The following CIBAR2 variants were observed in gnomAD, a reference collection of about 807,000 sequenced individuals.
The protein encoded by CIBAR2 is CBY1 interacting BAR domain containing 2.
Under a neutral mutation model 36.2 loss-of-function variants are expected in CIBAR2, and 38 were observed. The ratio of observed to expected loss-of-function variants is 1.05; its 90% confidence interval spans 0.81 to 1.38. CIBAR2 has a LOEUF of 1.38. Among genes scored for constraint, CIBAR2 ranks in the 40% most tolerant of loss-of-function variants. The pLI, the probability that CIBAR2 is intolerant of heterozygous loss-of-function variation, is 0.00. For missense variants in CIBAR2, 481 were observed against 383.4 expected, an observed-to-expected ratio of 1.25 and a Z score of -2.13; for synonymous variants, 182 against 149.5, an observed-to-expected ratio of 1.22 and a Z score of -1.58.
At chr16:85,109,023 G>A (rs1027150958) in intron 2 of CIBAR2, among the ~76,000 whole-genome samples, 1 of 152,196 alleles carries the variant, frequency 6.6e-6, no homozygotes, top group Non-Finnish European at 1.5e-5. Flanking sequence ...TCTTCCTCTG[G>A]TCTCCGTGGG....
intron 8 of CIBAR2, among the ~76,000 whole-genome samples, chr16:85,099,593 A>G (rs2073938126): frequency 6.7e-6 from 1 of 149,332 alleles, no homozygotes; most frequent in African/African-American, 2.5e-5. Context: ...GTGGCCTACC[A>G]CACTGGGTGA....
At chr16:85,109,321 T>C (rs527284979) in intron 2 of CIBAR2, among the ~76,000 whole-genome samples, 8 of 151,826 alleles carry the variant, frequency 5.3e-5, no homozygotes, top group Non-Finnish European at 1.0e-4. Flanking sequence ...GAAAGTAGGA[T>C]GTACTGGTGA....
intron 5 of CIBAR2, among the ~76,000 whole-genome samples, chr16:85,106,784 G>A (rs532214247): frequency 2.0e-4 from 30 of 152,296 alleles, no homozygotes; most frequent in African/African-American, 6.7e-4. Context: ...CTTTCTAGCA[G>A]AGCTCTCCAA....
At chr16:85,104,832 G>A (rs2073982975) in intron 6 of CIBAR2, among the ~76,000 whole-genome samples, 2 of 152,232 alleles carry the variant, frequency 1.3e-5, no homozygotes, top group South Asian at 2.1e-4. Flanking sequence ...AAAAGACCCC[G>A]CCTCTCTGAG....
chr16:85,111,984 G>A (rs951948414), intron 1 of CIBAR2, among the ~76,000 whole-genome samples: 4 of 152,254 alleles, frequency 2.6e-5, no homozygotes, highest in African/African-American at 9.6e-5. Flanking sequence ...GGCCGGGGCA[G>A]TGTGGACTGG....
intron 6 of CIBAR2, among the ~76,000 whole-genome samples, chr16:85,103,027 G>A (rs1476161016): frequency 2.6e-5 from 4 of 152,032 alleles, no homozygotes; most frequent in Admixed American, 1.3e-4. Context: ...TCAGCCTCCT[G>A]AGTAGCTGGG....
chr16:85,099,942 T>A (rs2081851331), intron 8 of CIBAR2, among the ~76,000 whole-genome samples, 197 bp downstream of exon 8: 1 of 151,574 alleles, frequency 6.6e-6, no homozygotes, highest in South Asian at 2.1e-4. Context: ...CGTGCCCAGC[T>A]TCATTCTACT....
intron 7 of CIBAR2, among the ~76,000 whole-genome samples, chr16:85,100,812 C>T (rs1260048266): frequency 6.6e-6 from 1 of 152,184 alleles, no homozygotes; most frequent in East Asian, 1.9e-4. Context: ...CTTTGGGAGG[C>T]CGAGGCGGGC....
intron 7 of CIBAR2, among the ~76,000 whole-genome samples, chr16:85,100,498 AC>A (rs1236110320): frequency 6.6e-6 from 1 of 152,184 alleles, no homozygotes; most frequent in Non-Finnish European, 1.5e-5. Context: ...ACACAGGATA[AC>A]AGCAGGATTC....
intron 5 of CIBAR2, among the ~76,000 whole-genome samples, chr16:85,107,053 G>T (rs1490997440): frequency 2.0e-5 from 3 of 152,196 alleles, no homozygotes; most frequent in Non-Finnish European, 4.4e-5. Flanking sequence ...GGGTGAGGTA[G>T]GAGAATCGCT....
chr16:85,108,592 G>C (rs1013017053), intron 2 of CIBAR2, among the ~76,000 whole-genome samples: 1 of 152,248 alleles, frequency 6.6e-6, no homozygotes, highest in African/African-American at 2.4e-5. Context: ...TCACAGTGGG[G>C]CCGGGCGCGA....
At chr16:85,103,271 T>G (rs2073969722) in intron 6 of CIBAR2, among the ~76,000 whole-genome samples, 1 of 152,122 alleles carries the variant, frequency 6.6e-6, no homozygotes, top group South Asian at 2.1e-4. Context: ...CAGGCCCTCC[T>G]CGGATGCTGA....
intron 2 of CIBAR2, among the ~76,000 whole-genome samples, chr16:85,109,252 T>A (rs957993113): frequency 2.0e-4 from 29 of 147,570 alleles, no homozygotes; most frequent in African/African-American, 7.2e-4. Flanking sequence ...CTCTTAAAAT[T>A]TTTTTTTTAA....
Position 85,110,404 on chromosome 16 carries a change from C to G in CIBAR2, c.77G>C (p.Gly26Ala). 6.2e-7 allele frequency: 1 copy of G among 1,613,242 alleles called. No homozygotes were observed. Among genetic ancestry groups the G allele is most frequent in the Non-Finnish European group, 8.5e-7 (1 of 1,179,594 alleles). The change falls in exon 2 of 9, where the codon GGG (glycine) becomes GCG (alanine). Residue 26 changes from glycine (G) to alanine (A), a missense_variant. Transcript: ENST00000539556. Reference sequence around the variant, plus strand: ...GGCGGCCAGCAGCGAGCAGAACTGCCCAAAGTACTTCTCGGTGTTGGCCAC... The same window carrying G: ...GGCGGCCAGCAGCGAGCAGAACTGCGCAAAGTACTTCTCGGTGTTGGCCAC... ...NTVANTEKYFGQFCSLLAAYT... is the reference protein window; with the variant it reads ...NTVANTEKYFAQFCSLLAAYT...
chr16:85,106,667 G>T (rs7198658), intron 5 of CIBAR2, among the ~76,000 whole-genome samples: 1 of 152,194 alleles, frequency 6.6e-6, no homozygotes, highest in African/African-American at 2.4e-5. Context: ...GAAGGAACCA[G>T]CCCTTTCCAC....
chr16:85,100,432 C>T (rs1468863434), intron 7 of CIBAR2, among the ~76,000 whole-genome samples, 192 bp from the exon 8 acceptor site: 1 of 152,176 alleles, frequency 6.6e-6, no homozygotes, highest in East Asian at 1.9e-4. Context: ...TGGGCATTAT[C>T]ACCCCATTTT....
At chr16:85,110,720 T>TTTTTTTTTC (rs778091487) in intron 1 of CIBAR2, among the ~76,000 whole-genome samples, 21 of 135,470 alleles carry the variant, frequency 1.6e-4, no homozygotes, top group African/African-American at 2.3e-4. Context: ...TTTTTTTTTT[T>TTTTTTTTTC]TGGAGACAGA....
chr16:85,110,484 G>C (rs1368830285), intron 1 of CIBAR2, 24 bp from the exon 2 acceptor site: 1 of 1,539,730 alleles, frequency 6.5e-7, no homozygotes, highest in Non-Finnish European at 8.8e-7. Context: ...GACCTGAGCA[G>C]CCATTCTGGG....
At chr16:85,103,299 T>G (rs1597666167) in intron 6 of CIBAR2, among the ~76,000 whole-genome samples, 1 of 151,994 alleles carries the variant, frequency 6.6e-6, no homozygotes, top group Non-Finnish European at 1.5e-5. Flanking sequence ...GGAGCCTCGG[T>G]CTTGGACTCC....
Sources: allele counts gnomAD v4.1 joint callset (sites outside exome capture counted in the v4.1 genomes callset), GRCh38; gene constraint gnomAD v4.1.1; transcripts MANE v1.5; gene names NCBI Gene and HGNC (gene_info 2026-07-23, HGNC 2026-07-21).